Variants in EGFR observed in about 807,000 individuals in gnomAD.
The protein encoded by EGFR is avian erythroblastic leukemia viral (v-erb-b) oncogene homolog.
Under a neutral mutation model 143.0 loss-of-function variants are expected in EGFR, and 58 were observed. The ratio of observed to expected loss-of-function variants is 0.41; its 90% confidence interval spans 0.33 to 0.50. The LOEUF is 0.50. Ranked by LOEUF, EGFR falls within the 20% of genes least tolerant of loss-of-function variation. The probability of loss-of-function intolerance (pLI) is 0.39; values close to 1 mark genes in which losing one functional copy is unlikely to be tolerated. For missense variants in EGFR, 1,307 were observed against 1,579.0 expected (o/e 0.83, Z 2.92); for synonymous variants, 613 against 594.4 (o/e 1.03, Z -0.45).
At chr7:55,113,445 A>G (rs1264737753) in intron 1 of EGFR, among the ~76,000 whole-genome samples, 1 of 152,104 alleles carries the variant, frequency 6.6e-6, no homozygotes, top group African/African-American at 2.4e-5. Context: ...CCTGACAGCA[A>G]TTCCCCTCTC....
rs1400036006 is a variant in EGFR, at chr7:55,181,635, TC to T, written c.2469+158del. ...TTTATTTTGGATTCAATCAAGTTGA[TC>T]TTCTTGTGCACAAATCAGTGCCTGT... On this transcript the variant is annotated intron_variant, in intron 20 of 27. Coordinates refer to ENST00000275493, the MANE Select transcript of EGFR (RefSeq NM_005228.5). The T allele has an allele frequency of 8.0e-6, 7 of 879,308 alleles. No individual in the cohort carries two copies. In the African/African-American group the frequency reaches 9.9e-5, roughly 12 times the overall value. The allele number at this position is 879,308 out of a possible 1,614,324, so 54.5% of individuals were successfully genotyped here.
At chr7:55,186,456 G>A (rs187821185) in intron 20 of EGFR, among the ~76,000 whole-genome samples, 67 of 152,312 alleles carry the variant, frequency 4.4e-4, no homozygotes, top group East Asian at 1.7e-3. Context: ...TCCTGATCCC[G>A]TCTGCACTGG....
At position 55,198,801 on chromosome 7, in the gene EGFR, A is replaced by T; in HGVS notation, c.2786A>T (p.Lys929Ile). Reference protein sequence around the residue: ...PASEISSILEKGERLPQPPIC... With the variant: ...PASEISSILEIGERLPQPPIC... ...AGCGAGATCTCCTCCATCCTGGAGA[A>T]AGGAGAACGCCTCCCTCAGCCACCC... The change falls in exon 23 of 28, where the codon AAA (lysine) becomes ATA (isoleucine). Residue 929 changes from lysine (K) to isoleucine (I), a missense_variant. Lys to Ile is a moderately radical substitution (Grantham distance 102). Coordinates refer to ENST00000275493, the MANE Select transcript of EGFR (RefSeq NM_005228.5). 6.2e-7 allele frequency: 1 copy of T among 1,614,220 alleles called. No individual in the cohort carries two copies. The highest frequency in any genetic ancestry group is 8.5e-7 in the Non-Finnish European group (1 of 1,180,032).
intron 1 of EGFR, among the ~76,000 whole-genome samples, chr7:55,069,987 CTG>C (rs1789726430): frequency 1.3e-5 from 2 of 152,184 alleles, no homozygotes; most frequent in Non-Finnish European, 2.9e-5. Context: ...ATGTACAAAA[CTG>C]AGAAATTACC....
intron 1 of EGFR, among the ~76,000 whole-genome samples, chr7:55,110,282 A>G (rs1010765796): frequency 1.3e-5 from 2 of 152,230 alleles, no homozygotes; most frequent in South Asian, 2.1e-4. Context: ...GCCAGTAGGA[A>G]TGTAGCCAAA....
At chr7:55,204,690 CAG>C (rs1271402007) in intron 27 of EGFR, among the ~76,000 whole-genome samples, 2 of 131,020 alleles carry the variant, frequency 1.5e-5, no homozygotes, top group Non-Finnish European at 3.3e-5. Context: ...ACACACACCA[CAG>C]ACACACATAG....
At chr7:55,201,593 A>C in intron 25 of EGFR, 142 bp from the exon 26 acceptor site, 2 of 1,208,880 alleles carry the variant, frequency 1.7e-6, no homozygotes, top group Middle Eastern at 1.9e-4. Context: ...AACTAAACCT[A>C]GTTGCTCTAA....
chr7:55,146,748 T>A lies in EGFR; in HGVS notation c.559+8T>A, dbSNP rs967951017. ...AGAACCACCTGGGCAGCTGTAAGTG[T>A]CGCATACACACTATCTCTGCCTCCA... is the stretch of plus-strand genomic sequence containing the variant. On this transcript the variant is annotated splice_region_variant and intron_variant, in intron 4 of 27. Transcript: ENST00000275493. 2 of 1,614,150 alleles carry A rather than the reference T, an allele frequency of 1.2e-6. No individual in the cohort carries two copies. Among genetic ancestry groups the A allele is most frequent in the East Asian group, 2.2e-5 (1 of 44,884 alleles).
chr7:55,176,541 G>A (rs1188093342), intron 19 of EGFR, among the ~76,000 whole-genome samples: 1 of 152,022 alleles, frequency 6.6e-6, no homozygotes, highest in African/African-American at 2.4e-5. Context: ...GCAACATACT[G>A]AGACCCAGTC....
At chr7:55,081,631 T>C (rs1397229908) in intron 1 of EGFR, among the ~76,000 whole-genome samples, 2 of 152,148 alleles carry the variant, frequency 1.3e-5, no homozygotes, top group Admixed American at 1.3e-4. Flanking sequence ...AGCAGGCTAT[T>C]ACCAAATCAC....
At chr7:55,133,664 C>T (rs888330239) in intron 1 of EGFR, among the ~76,000 whole-genome samples, 3 of 152,210 alleles carry the variant, frequency 2.0e-5, no homozygotes, top group South Asian at 2.1e-4. Flanking sequence ...TGTCCCACCC[C>T]GGGTTCTGTG....
At chr7:55,044,410 A>T (rs954041825) in intron 1 of EGFR, among the ~76,000 whole-genome samples, 8 of 152,226 alleles carry the variant, frequency 5.3e-5, no homozygotes, top group Non-Finnish European at 1.0e-4. Flanking sequence ...CCAAGGTTTT[A>T]GATTACTATA....
At chr7:55,170,736 T>C (rs1786306702) in intron 15 of EGFR, 1 of 1,479,096 alleles carries the variant, frequency 6.8e-7, no homozygotes, top group Non-Finnish European at 8.9e-7. Flanking sequence ...AGATGATTGT[T>C]CAAAGCACAG....
chr7:55,075,671 T>C (rs1232745217), intron 1 of EGFR, among the ~76,000 whole-genome samples: 4 of 152,118 alleles, frequency 2.6e-5, no homozygotes, highest in African/African-American at 9.7e-5. Context: ...ACCACCGTAG[T>C]GAGGACAGCA....
At chr7:55,191,456 C>T (rs1320113356) in intron 20 of EGFR, among the ~76,000 whole-genome samples, 2 of 152,164 alleles carry the variant, frequency 1.3e-5, no homozygotes, top group Non-Finnish European at 2.9e-5. Flanking sequence ...AGCAGAGCTC[C>T]TGCTCTTCTT....
Position 55,166,272 on chromosome 7 carries a change from C to G in EGFR, c.1880+835C>G, listed in dbSNP as rs758620575. 2.4e-4 allele frequency: 135 copies of G among 568,118 alleles called. 1 individual carries two copies. The Admixed American group carries it at 2.6e-3, about 11-fold the overall frequency. The allele number at this position is 568,118 out of a possible 1,614,324, so 35.2% of individuals were successfully genotyped here. On this transcript the variant is annotated intron_variant, in intron 15 of 27. Coordinates refer to ENST00000275493, the MANE Select transcript of EGFR (RefSeq NM_005228.5). Reference sequence around the variant, plus strand: ...ATCAAACTGGATCCCACTCAACAATCAGAAAGAGAAGTTGAGCTGTCATAT... The same window carrying G: ...ATCAAACTGGATCCCACTCAACAATGAGAAAGAGAAGTTGAGCTGTCATAT...
chr7:55,164,020 A>G (rs181060413), intron 14 of EGFR, among the ~76,000 whole-genome samples, 197 bp downstream of exon 14: 1 of 152,336 alleles, frequency 6.6e-6, no homozygotes, highest in East Asian at 1.9e-4. Flanking sequence ...CCTGCGATGA[A>G]CATTCACTCT....
intron 1 of EGFR, among the ~76,000 whole-genome samples, chr7:55,037,458 A>G (rs1787655030): frequency 6.6e-6 from 1 of 152,208 alleles, no homozygotes; most frequent in African/African-American, 2.4e-5. Context: ...AAATGTGTCT[A>G]TATGATTAAG....
At chr7:55,099,327 T>C (rs981329035) in intron 1 of EGFR, among the ~76,000 whole-genome samples, 4 of 152,202 alleles carry the variant, frequency 2.6e-5, no homozygotes, top group Non-Finnish European at 4.4e-5. Context: ...TGTTTTGCTT[T>C]ATTTTAGACC....
Sources: gnomAD v4.1 joint callset for allele counts (sites outside exome capture counted in the v4.1 genomes callset) on GRCh38, gnomAD v4.1.1 for gene constraint, MANE v1.5 for transcripts, NCBI Gene and HGNC (gene_info 2026-07-23, HGNC 2026-07-21) for gene names.